TAOK3: variants seen among roughly 807,000 people sequenced by gnomAD.
TAOK3 encodes the protein TAO kinase 3.
TAOK3 carries 40 observed loss-of-function variants against 120.4 expected under a neutral mutation model. The observed-to-expected ratio is 0.33, with a 90% CI of 0.26 to 0.43. The LOEUF (loss-of-function observed/expected upper bound fraction) is 0.43, where lower values mean the gene tolerates loss of function less well. TAOK3 is among the 20% of genes least tolerant of loss of function. The pLI, the probability that TAOK3 is intolerant of heterozygous loss-of-function variation, is 1.00. For synonymous variants in TAOK3, 355 were observed against 387.5 expected (o/e 0.92, Z 0.99); for missense variants, 821 against 1,112.1 (o/e 0.74, Z 3.72).
At chr12:118,197,846 C>T (rs1178101425) in intron 13 of TAOK3, among the ~76,000 whole-genome samples, 2 of 151,982 alleles carry the variant, frequency 1.3e-5, no homozygotes, top group East Asian at 1.9e-4. Flanking sequence ...TACCACCACA[C>T]CCGGCTAATT....
At chr12:118,288,454 A>G in intron 1 of TAOK3, among the ~76,000 whole-genome samples, 1 of 152,172 alleles carries the variant, frequency 6.6e-6, no homozygotes, top group East Asian at 1.9e-4. Context: ...TGGGAAGGTT[A>G]AGATCTGTAA....
chr12:118,298,720 A>T (rs763584095), intron 1 of TAOK3, among the ~76,000 whole-genome samples: 15 of 152,246 alleles, frequency 9.9e-5, no homozygotes, highest in South Asian at 4.1e-4. Context: ...ATGTTTCTAA[A>T]TTGTTACTAT....
chr12:118,207,317 A>G (rs1565948163), intron 11 of TAOK3, among the ~76,000 whole-genome samples: 1 of 149,876 alleles, frequency 6.7e-6, no homozygotes, highest in East Asian at 2.0e-4. Context: ...CAAGAGCGAA[A>G]CTCCGTCTCA....
intron 7 of TAOK3, among the ~76,000 whole-genome samples, chr12:118,237,010 T>G (rs1226676542): frequency 6.6e-6 from 1 of 152,178 alleles, no homozygotes; most frequent in Non-Finnish European, 1.5e-5. Context: ...AAGTTGGCAG[T>G]AGTATTAACA....
At chr12:118,356,489 G>A (rs1157782953) in intron 1 of TAOK3, among the ~76,000 whole-genome samples, 1 of 151,718 alleles carries the variant, frequency 6.6e-6, no homozygotes, top group Non-Finnish European at 1.5e-5. Flanking sequence ...CAGTAGAGAC[G>A]GGGCTTCACC....
At chr12:118,358,725 A>G (rs533659309) in intron 1 of TAOK3, among the ~76,000 whole-genome samples, 3 of 152,350 alleles carry the variant, frequency 2.0e-5, no homozygotes, top group East Asian at 1.9e-4. Flanking sequence ...ATATCAAACT[A>G]CAAATTAAAT....
At chr12:118,155,301 T>TA (rs1939324692) in intron 19 of TAOK3, among the ~76,000 whole-genome samples, 1 of 152,196 alleles carries the variant, frequency 6.6e-6, no homozygotes, top group Admixed American at 6.5e-5. Flanking sequence ...CAGCCATAAA[T>TA]AAAGTTTTAT....
chr12:118,163,168 G>A (rs2035333043), intron 17 of TAOK3, among the ~76,000 whole-genome samples: 1 of 152,172 alleles, frequency 6.6e-6, no homozygotes, highest in African/African-American at 2.4e-5. Context: ...CACATATGTG[G>A]TAGTCATCTG....
intron 1 of TAOK3, among the ~76,000 whole-genome samples, chr12:118,308,133 A>C (rs1593485496): frequency 6.6e-6 from 1 of 152,070 alleles, no homozygotes. Flanking sequence ...GCCGGCCAAA[A>C]CCCACCAAAA....
chr12:118,322,175 T>G (rs1252773384), intron 1 of TAOK3, among the ~76,000 whole-genome samples: 1 of 151,586 alleles, frequency 6.6e-6, no homozygotes, highest in African/African-American at 2.4e-5. Flanking sequence ...ATTAGCTGGG[T>G]GTGGTGGCCC....
chr12:118,344,811 T>A (rs558583127), intron 1 of TAOK3, among the ~76,000 whole-genome samples: 1 of 152,196 alleles, frequency 6.6e-6, no homozygotes, highest in Non-Finnish European at 1.5e-5. Context: ...ATTAATAACA[T>A]TTATTTTTAT....
intron 9 of TAOK3, among the ~76,000 whole-genome samples, chr12:118,221,048 G>A (rs555671349): frequency 2.0e-5 from 3 of 152,194 alleles, no homozygotes; most frequent in Non-Finnish European, 2.9e-5. Context: ...AAGTTTATTG[G>A]AACACAGCCA....
At chr12:118,172,339 G>T in intron 17 of TAOK3, 118 bp downstream of exon 17, 7 of 1,086,476 alleles carry the variant, frequency 6.4e-6, no homozygotes, top group Non-Finnish European at 8.3e-6. Context: ...GTTAGCCACT[G>T]TGCTAAAAGG....
At position 118,150,839 on chromosome 12, in the gene TAOK3, A is replaced by C; in HGVS notation, c.*158T>G. 1.2e-6 allele frequency: 1 copy of C among 838,532 alleles called. No individual in the cohort carries two copies. Among genetic ancestry groups the C allele is most frequent in the East Asian group, 2.7e-5 (1 of 37,098 alleles). The allele number at this position is 838,532 out of a possible 1,614,324, so 51.9% of individuals were successfully genotyped here. On this transcript the variant is annotated 3_prime_UTR_variant, in exon 21 of 21. Transcript: ENST00000392533. ...GGAAGGGGGCCCCTGATGGAGTAAG[A>C]ATAAACAGGCACTAGTCCGACACGA...
intron 19 of TAOK3, among the ~76,000 whole-genome samples, chr12:118,157,278 T>C (rs1380478704): frequency 6.6e-6 from 1 of 152,172 alleles, no homozygotes; most frequent in African/African-American, 2.4e-5. Context: ...CCATTCTCCA[T>C]GTCACCAGAG....
chr12:118,207,752 G>A (rs894640844), intron 11 of TAOK3, among the ~76,000 whole-genome samples: 1 of 151,904 alleles, frequency 6.6e-6, no homozygotes, highest in Non-Finnish European at 1.5e-5. Context: ...CTGCTCAGGA[G>A]GCTGGGGCAG....
intron 1 of TAOK3, among the ~76,000 whole-genome samples, chr12:118,280,064 CTTTTT>C (rs35109102): frequency 7.5e-6 from 1 of 133,954 alleles, no homozygotes; most frequent in East Asian, 2.3e-4. Flanking sequence ...CGCGCCCCAC[CTTTTT>C]TTTTTTTTTT....
chr12:118,157,570 G>C (rs1025982502), intron 19 of TAOK3, among the ~76,000 whole-genome samples: 24 of 152,292 alleles, frequency 1.6e-4, no homozygotes, highest in African/African-American at 5.5e-4. Context: ...CATTGTGCCA[G>C]GGAGGCCTCT....
rs186579867 is a variant in TAOK3 at position 118,182,316 on chromosome 12, C to A, written c.1330-709G>T. On this transcript the variant is annotated intron_variant, in intron 14 of 20. Transcript: ENST00000392533. ...GGACTGGATTGGGAATCAGGCCCATCTCTGTATAACTCCAGAGCCATGTTA... is the reference window on the plus strand; with the variant it reads ...GGACTGGATTGGGAATCAGGCCCATATCTGTATAACTCCAGAGCCATGTTA... Among the ~76,000 whole-genome samples the A allele has an allele frequency of 2.6e-5, 4 of 152,102 alleles. No individual in the cohort carries two copies. In the East Asian group the frequency reaches 7.7e-4, roughly 29 times the overall value.
Sources: allele counts gnomAD v4.1 joint callset (sites outside exome capture counted in the v4.1 genomes callset), GRCh38; gene constraint gnomAD v4.1.1; transcripts MANE v1.5; gene names NCBI Gene and HGNC (gene_info 2026-07-23, HGNC 2026-07-21).